Variants in CRHBP observed in about 807,000 individuals in gnomAD.
The protein encoded by CRHBP is corticotropin releasing hormone binding protein.
Under a neutral mutation model 34.9 loss-of-function variants are expected in CRHBP, and 19 were observed. The ratio of observed to expected loss-of-function variants is 0.55; its 90% confidence interval spans 0.38 to 0.80. The LOEUF (loss-of-function observed/expected upper bound fraction) is 0.80, where lower values mean the gene tolerates loss of function less well. CRHBP is among the 30% of genes least tolerant of loss of function. The pLI is 0.00. For missense variants in CRHBP, 328 were observed against 409.2 expected (o/e 0.80, Z 1.71); for synonymous variants, 154 against 153.4 (o/e 1.00, Z -0.03).
chr5:76,955,231 T>C (rs1025275365), intron 3 of CRHBP, among the ~76,000 whole-genome samples: 7 of 152,224 alleles, frequency 4.6e-5, no homozygotes, highest in Non-Finnish European at 7.3e-5. Context: ...TCTTTTGCTA[T>C]CTATTTTCAA....
chr5:76,975,825 A>AAAATATATATATATATATAT, intron 2 of CRHBP, among the ~76,000 whole-genome samples: 1 of 61,854 alleles, frequency 1.6e-5, no homozygotes, highest in Non-Finnish European at 2.7e-5. Context: ...AAAAAAAAAA[A>AAAATATATATATATATATAT]ATATATATAT....
intron 2 of CRHBP, among the ~76,000 whole-genome samples, chr5:76,975,825 A>AAAATATATATAT: frequency 1.6e-5 from 1 of 61,858 alleles, no homozygotes; most frequent in Admixed American, 1.8e-4. Flanking sequence ...AAAAAAAAAA[A>AAAATATATATAT]ATATATATAT....
At chr5:76,961,013 C>T (rs1745768676) in intron 5 of CRHBP, among the ~76,000 whole-genome samples, 1 of 152,014 alleles carries the variant, frequency 6.6e-6, no homozygotes, top group Non-Finnish European at 1.5e-5. Flanking sequence ...GTGATCTGCC[C>T]GCCTCGGCCT....
At position 76,953,710 on chromosome 5, in the gene CRHBP, C is replaced by G. The variant is rs975840737; in HGVS notation, c.175+16C>G. 22 of 1,596,020 alleles carry G rather than the reference C, an allele frequency of 1.4e-5. No homozygotes were observed. Among genetic ancestry groups the G allele is most frequent in the Non-Finnish European group, 1.8e-5 (21 of 1,171,030 alleles). On this transcript the variant is annotated intron_variant, in intron 2 of 6. Coordinates refer to ENST00000274368, the MANE Select transcript of CRHBP (RefSeq NM_001882.4). Reference sequence around the variant, plus strand: ...CGCGCTCTGCGTGAGTCGAGGCTGCCCGGCTCGCGGGCGCCCGGGACGCGG... The same window carrying G: ...CGCGCTCTGCGTGAGTCGAGGCTGCGCGGCTCGCGGGCGCCCGGGACGCGG...
At chr5:76,957,985 C>A (rs10066068) in intron 4 of CRHBP, among the ~76,000 whole-genome samples, 1 of 151,606 alleles carries the variant, frequency 6.6e-6, no homozygotes, top group African/African-American at 2.4e-5. Flanking sequence ...GTGGTGAAAC[C>A]CTGTCTCTAC....
At chr5:76,963,520 T>TC (rs1745813305) in intron 6 of CRHBP, 60 bp downstream of exon 6, 1 of 1,428,170 alleles carries the variant, frequency 7.0e-7, no homozygotes, top group Non-Finnish European at 9.7e-7. Flanking sequence ...AAATAAGCAC[T>TC]CCCCTAATAT....
At chr5:76,963,239 T>G in intron 5 of CRHBP, 104 bp from the exon 6 acceptor site, 1 of 789,374 alleles carries the variant, frequency 1.3e-6, no homozygotes, top group Non-Finnish European at 2.2e-6. Flanking sequence ...ATTGCCAGGA[T>G]GTTGAGGGCT....
intron 6 of CRHBP, among the ~76,000 whole-genome samples, chr5:76,965,973 G>A (rs114125553): frequency 0.037 from 5,623 of 152,260 alleles, 295 homozygotes; most frequent in African/African-American, 0.12. Flanking sequence ...GGACCCTAGC[G>A]AGCGGCTCAA....
intron 5 of CRHBP, 121 bp from the exon 6 acceptor site, chr5:76,963,222 A>T: frequency 1.5e-6 from 1 of 685,170 alleles, no homozygotes; most frequent in Non-Finnish European, 2.6e-6. Context: ...ATGTTAAATT[A>T]AATGGTATTG....
Position 76,953,677 on chromosome 5 carries a change from C to G in CRHBP, c.158C>G (p.Pro53Arg), listed in dbSNP as rs757391504. The change falls in exon 2 of 7, where the codon CCG (proline) becomes CGG (arginine). Residue 53 changes from proline (P) to arginine (R), a missense_variant. Transcript: ENST00000274368. ...NLKRELAGEQ[P>R]YRRALRCLDM... ...AAGCGGGAGCTGGCTGGGGAGCAGC[C>G]GTACCGCCGCGCTCTGCGTGAGTCG... 2 of 1,609,442 alleles carry G rather than the reference C, an allele frequency of 1.2e-6. No homozygotes were observed. Among genetic ancestry groups the G allele is most frequent in the Non-Finnish European group, 1.7e-6 (2 of 1,178,104 alleles).
rs34347676 is a variant in CRHBP at position 76,954,117 on chromosome 5, G to T, written c.264G>T (p.Glu88Asp). The change falls in exon 3 of 7, where the codon GAG becomes GAT. Residue 88 changes from glutamate (E) to aspartate (D), a missense_variant. This residue lies in a region of CRHBP where 173 missense variants were observed against 172.2 expected (regional missense o/e 1.00). Transcript: ENST00000274368. ...QLHCAAFFISEPEEFITIHYD... is the reference protein window; with the variant it reads ...QLHCAAFFISDPEEFITIHYD... The stretch of plus-strand genomic sequence containing the variant: ...ACTGCGCAGCCTTCTTCATCAGCGA[G>T]CCCGAGGAGTTCATTACCATCCACT... The T allele has an allele frequency of 1.5e-5, 24 of 1,614,038 alleles. No individual in the cohort carries two copies. Among genetic ancestry groups the T allele is most frequent in the Non-Finnish European group, 1.9e-5 (23 of 1,179,968 alleles).
chr5:76,980,285 G>C (rs1408170544), intron 3 of CRHBP, among the ~76,000 whole-genome samples: 1 of 150,828 alleles, frequency 6.6e-6, no homozygotes, highest in African/African-American at 2.4e-5. Flanking sequence ...AAAGAAAGCA[G>C]TGGGGCCAGG....
intron 2 of CRHBP, among the ~76,000 whole-genome samples, chr5:76,975,928 G>T (rs996286371): frequency 2.1e-5 from 2 of 95,136 alleles, no homozygotes; most frequent in African/African-American, 1.1e-4. Flanking sequence ...GTATATATAT[G>T]TGTGTGTGTA....
chr5:76,963,778 C>G (rs1264776084), intron 6 of CRHBP, among the ~76,000 whole-genome samples: 1 of 151,936 alleles, frequency 6.6e-6, no homozygotes, highest in African/African-American at 2.4e-5. Context: ...AAAGAGTTTA[C>G]TAACTGAAAC....
chr5:76,964,638 A>G (rs985537005), intron 6 of CRHBP, among the ~76,000 whole-genome samples: 3 of 152,200 alleles, frequency 2.0e-5, no homozygotes, highest in Admixed American at 2.0e-4. Context: ...CAGATTACTG[A>G]GGTCAGGAGT....
At chr5:76,963,321 C>T (rs748997883) in intron 5 of CRHBP, 22 bp from the exon 6 acceptor site, 2 of 1,602,748 alleles carry the variant, frequency 1.2e-6, no homozygotes, top group Admixed American at 3.3e-5. Context: ...ATGTGTCTTT[C>T]TCTGCTGCTT....
chr5:76,969,008 C>A lies in CRHBP; in HGVS notation c.*123C>A. Reference sequence around the variant, plus strand: ...CAGTCAGTATTCCCAGCCTTGAGCGCACGCGCGCACACACACACACACATA... The same window carrying A: ...CAGTCAGTATTCCCAGCCTTGAGCGAACGCGCGCACACACACACACACATA... On this transcript the variant is annotated 3_prime_UTR_variant, in exon 7 of 7. Coordinates refer to ENST00000274368, the MANE Select transcript of CRHBP (RefSeq NM_001882.4). 1 of 1,030,392 alleles carries A rather than the reference C, an allele frequency of 9.7e-7. No individual in the cohort carries two copies. Among genetic ancestry groups the A allele is most frequent in the Non-Finnish European group, 1.4e-6 (1 of 709,672 alleles). The allele number at this position is 1,030,392 out of a possible 1,614,324, so 63.8% of individuals were successfully genotyped here. A position where few individuals can be genotyped will look rare whatever the true frequency, so the allele number is the denominator to read the frequency against.
chr5:76,976,080 C>T (rs1746031188), intron 2 of CRHBP, among the ~76,000 whole-genome samples: 1 of 151,310 alleles, frequency 6.6e-6, no homozygotes, highest in South Asian at 2.1e-4. Context: ...TAGCAGAGGC[C>T]TCTGTGATCT....
intron 4 of CRHBP, among the ~76,000 whole-genome samples, chr5:76,957,552 A>G (rs1271842626): frequency 6.6e-6 from 1 of 151,970 alleles, no homozygotes; most frequent in East Asian, 2.0e-4. Flanking sequence ...TGCCTGGCTA[A>G]TTTTTGTGTT....
Sources: gnomAD v4.1 joint callset for allele counts (sites outside exome capture counted in the v4.1 genomes callset) on GRCh38, gnomAD v4.1.1 for gene constraint, gnomAD v4.1.1 regional missense constraint, MANE v1.5 for transcripts, NCBI Gene and HGNC (gene_info 2026-07-23, HGNC 2026-07-21) for gene names.